MAGI1: variants seen among roughly 807,000 people sequenced by gnomAD.
The protein encoded by MAGI1 is membrane-associated guanylate kinase, WW and PDZ domain-containing protein 1.
A neutral mutation model predicts 139.9 loss-of-function variants in MAGI1; 58 were observed. The observed-to-expected ratio is 0.41, with a 90% CI of 0.34 to 0.52. The LOEUF (loss-of-function observed/expected upper bound fraction) is 0.52, where lower values mean the gene tolerates loss of function less well. MAGI1 is among the 20% of genes least tolerant of loss of function. The probability of loss-of-function intolerance (pLI) is 0.12; values close to 1 mark genes in which losing one functional copy is unlikely to be tolerated. For synonymous variants in MAGI1, 812 were observed against 737.9 expected, an observed-to-expected ratio of 1.10 and a Z score of -1.63; for missense variants, 1,874 against 1,901.6, an observed-to-expected ratio of 0.99 and a Z score of 0.27.
At chr3:66,007,175 C>G (rs980695141) in intron 1 of MAGI1, among the ~76,000 whole-genome samples, 2 of 152,052 alleles carry the variant, frequency 1.3e-5, no homozygotes, top group African/African-American at 4.8e-5. Context: ...GTCTATTAAG[C>G]TTGACTACAC....
intron 1 of MAGI1, among the ~76,000 whole-genome samples, chr3:65,860,359 A>G (rs2059514490): frequency 6.6e-6 from 1 of 152,206 alleles, no homozygotes; most frequent in Non-Finnish European, 1.5e-5. Context: ...GTTTACTGTA[A>G]TTTTGTCTTT....
At chr3:65,841,055 G>T (rs1262349523) in intron 1 of MAGI1, among the ~76,000 whole-genome samples, 1 of 152,186 alleles carries the variant, frequency 6.6e-6, no homozygotes, top group Non-Finnish European at 1.5e-5. Context: ...TCATGAAATT[G>T]ATATGCGCAG....
At chr3:65,384,727 T>C (rs1257494845) in intron 14 of MAGI1, among the ~76,000 whole-genome samples, 2 of 152,030 alleles carry the variant, frequency 1.3e-5, no homozygotes, top group African/African-American at 2.4e-5. Context: ...AGTAAGACCC[T>C]GTCTCAAATA....
At chr3:65,495,567 C>T (rs1380094462) in intron 2 of MAGI1, among the ~76,000 whole-genome samples, 2 of 152,034 alleles carry the variant, frequency 1.3e-5, no homozygotes, top group African/African-American at 2.4e-5. Flanking sequence ...AAAGCTCATG[C>T]CCTGATGGAA....
chr3:65,667,909 T>G (rs903875983), intron 1 of MAGI1, among the ~76,000 whole-genome samples: 1 of 152,194 alleles, frequency 6.6e-6, no homozygotes, highest in Non-Finnish European at 1.5e-5. Flanking sequence ...CAGCTGGACA[T>G]GTGTATGGCA....
At chr3:65,680,569 C>T (rs1293656436) in intron 1 of MAGI1, among the ~76,000 whole-genome samples, 1 of 152,028 alleles carries the variant, frequency 6.6e-6, no homozygotes, top group Non-Finnish European at 1.5e-5. Flanking sequence ...CACACACCAC[C>T]GCACCTGGTT....
intron 1 of MAGI1, among the ~76,000 whole-genome samples, chr3:65,879,634 G>A (rs1481782010): frequency 1.3e-5 from 2 of 152,086 alleles, no homozygotes; most frequent in African/African-American, 4.8e-5. Flanking sequence ...TGTAAACTGG[G>A]AATAATCATG....
At chr3:65,619,143 C>T (rs980250878) in intron 2 of MAGI1, among the ~76,000 whole-genome samples, 3 of 152,056 alleles carry the variant, frequency 2.0e-5, no homozygotes, top group East Asian at 3.8e-4. Context: ...ATTTCAACAA[C>T]GCCGTTACAA....
intron 1 of MAGI1, among the ~76,000 whole-genome samples, chr3:65,861,600 G>A (rs115519379): frequency 6.1e-4 from 93 of 152,250 alleles, no homozygotes; most frequent in African/African-American, 2.2e-3. Context: ...AGTGCAGCAT[G>A]AACAGAGAAG....
intron 1 of MAGI1, among the ~76,000 whole-genome samples, chr3:66,023,926 T>A (rs1001511380): frequency 3.3e-5 from 5 of 152,122 alleles, no homozygotes; most frequent in Non-Finnish European, 2.9e-5. Flanking sequence ...AGAATTATGA[T>A]CAGCTGTCAA....
intron 12 of MAGI1, 88 bp downstream of exon 12, chr3:65,429,432 A>C (rs1947318028): frequency 2.3e-5 from 30 of 1,309,178 alleles, no homozygotes; most frequent in Non-Finnish European, 3.0e-5. Flanking sequence ...AAATTTAAAA[A>C]GCCCCCAGTG....
Position 66,038,303 on chromosome 3 carries a change from G to T in MAGI1, c.6C>A (p.Ser2=), listed in dbSNP as rs751916285. The T allele has an allele frequency of 9.5e-6, 15 of 1,574,554 alleles. No homozygotes were observed. In the Admixed American group the frequency reaches 2.7e-4, roughly 28 times the overall value. Reference sequence around the variant, plus strand: ...AGTGGTTCTTCTTCTGGATCACTTTGGACATGATGAGTTACACCCCTCCTC... The same window carrying T: ...AGTGGTTCTTCTTCTGGATCACTTTTGACATGATGAGTTACACCCCTCCTC... M[S]KVIQKKNHWT... Residue 2 remains serine (S), a synonymous_variant, in exon 1 of 23, where the codon TCC becomes TCA. Coordinates refer to ENST00000402939, the MANE Select transcript of MAGI1 (RefSeq NM_001033057.2).
chr3:66,030,136 C>T (rs1009784017), intron 1 of MAGI1, among the ~76,000 whole-genome samples: 4 of 152,134 alleles, frequency 2.6e-5, no homozygotes, highest in African/African-American at 9.7e-5. Flanking sequence ...ACCCATAATA[C>T]TAAGACCAAC....
At chr3:65,909,568 T>G (rs1288935427) in intron 1 of MAGI1, among the ~76,000 whole-genome samples, 1 of 151,894 alleles carries the variant, frequency 6.6e-6, no homozygotes, top group Non-Finnish European at 1.5e-5. Context: ...TGGTGGTGGG[T>G]GCCTATAATC....
intron 1 of MAGI1, among the ~76,000 whole-genome samples, chr3:65,950,241 G>A (rs1186500859): frequency 2.6e-5 from 4 of 151,494 alleles, no homozygotes; most frequent in African/African-American, 9.7e-5. Flanking sequence ...CCACCCAAGT[G>A]GGTAACTTAG....
At chr3:65,529,200 C>T (rs1033534611) in intron 2 of MAGI1, among the ~76,000 whole-genome samples, 1 of 151,926 alleles carries the variant, frequency 6.6e-6, no homozygotes, top group South Asian at 2.1e-4. Context: ...ATACTTTTCA[C>T]ATTTTGGTAA....
intron 18 of MAGI1, among the ~76,000 whole-genome samples, chr3:65,374,759 C>T (rs1278967920): frequency 6.6e-6 from 1 of 152,214 alleles, no homozygotes; most frequent in African/African-American, 2.4e-5. Context: ...CTCACACCCA[C>T]TGCAGACAAT....
intron 2 of MAGI1, among the ~76,000 whole-genome samples, chr3:65,573,985 A>T (rs1211036463): frequency 1.3e-5 from 2 of 151,916 alleles, no homozygotes; most frequent in Admixed American, 1.3e-4. Context: ...CACAAGCTTA[A>T]ATTATTTACT....
intron 1 of MAGI1, among the ~76,000 whole-genome samples, chr3:65,732,422 A>AGAGC (rs2107738215): frequency 1.3e-5 from 2 of 152,306 alleles, no homozygotes; most frequent in African/African-American, 4.8e-5. Context: ...AGCTCCCAGG[A>AGAGC]TTAGCTGTGC....
Sources: allele counts gnomAD v4.1 joint callset (sites outside exome capture counted in the v4.1 genomes callset), GRCh38; gene constraint gnomAD v4.1.1; transcripts MANE v1.5; gene names NCBI Gene and HGNC (gene_info 2026-07-23, HGNC 2026-07-21).